Variants in HIP1 observed in about 807,000 individuals in gnomAD.
HIP1 encodes huntingtin-interacting protein 1.
A neutral mutation model predicts 147.6 loss-of-function variants in HIP1; 65 were observed. That is an observed-to-expected ratio of 0.44 (90% CI 0.36 to 0.54). The LOEUF is 0.54. Ranked by LOEUF, HIP1 falls within the 20% of genes least tolerant of loss-of-function variation. HIP1 has a pLI of 0.00. For missense variants in HIP1, 1,061 were observed against 1,299.6 expected (o/e 0.82, Z 2.82); for synonymous variants, 479 against 504.0 (o/e 0.95, Z 0.67).
intron 1 of HIP1, among the ~76,000 whole-genome samples, chr7:75,679,192 C>T (rs1799985759): frequency 6.6e-6 from 1 of 152,168 alleles, no homozygotes; most frequent in Non-Finnish European, 1.5e-5. Flanking sequence ...GCTAGATCAA[C>T]AATACATCTT....
At chr7:75,692,982 T>C (rs1554518333) in intron 1 of HIP1, among the ~76,000 whole-genome samples, 2 of 151,798 alleles carry the variant, frequency 1.3e-5, no homozygotes, top group Non-Finnish European at 1.5e-5. Context: ...CTGGCCAACA[T>C]GGCGAAGCTT....
At chr7:75,651,197 C>T (rs1798969587) in intron 1 of HIP1, among the ~76,000 whole-genome samples, 2 of 151,932 alleles carry the variant, frequency 1.3e-5, no homozygotes, top group South Asian at 4.1e-4. Context: ...CAGTGGCTCA[C>T]ACCTGTAATC....
intron 1 of HIP1, among the ~76,000 whole-genome samples, chr7:75,692,375 C>T (rs1554518242): frequency 6.6e-6 from 1 of 151,650 alleles, no homozygotes; most frequent in African/African-American, 2.4e-5. Flanking sequence ...CCTCCTGCCT[C>T]AAGTCTCCCA....
At chr7:75,575,847 C>G (rs1396859377) in intron 7 of HIP1, among the ~76,000 whole-genome samples, 1 of 152,060 alleles carries the variant, frequency 6.6e-6, no homozygotes, top group Non-Finnish European at 1.5e-5. Flanking sequence ...CAGAGGGAAG[C>G]CTAGCACTGC....
chr7:75,645,665 A>C (rs1798777871), intron 1 of HIP1, among the ~76,000 whole-genome samples: 1 of 152,234 alleles, frequency 6.6e-6, no homozygotes, highest in South Asian at 2.1e-4. Context: ...CACTATTCAC[A>C]ATAGTAAAGA....
intron 1 of HIP1, among the ~76,000 whole-genome samples, chr7:75,696,608 T>G (rs1248289846): frequency 8.2e-6 from 1 of 122,562 alleles, no homozygotes; most frequent in African/African-American, 3.0e-5. Context: ...TCTGCTCCCC[T>G]TCCCTTTTCT....
intron 1 of HIP1, among the ~76,000 whole-genome samples, chr7:75,659,477 C>A (rs1014116281): frequency 1.3e-5 from 2 of 151,872 alleles, no homozygotes; most frequent in South Asian, 2.1e-4. Flanking sequence ...GGCAAAACCC[C>A]GTCTCTACAA....
In HIP1 at chr7:75,562,915, C is replaced by G. The variant is rs1414002636; in HGVS notation, c.1020+20G>C. On this transcript the variant is annotated intron_variant, in intron 11 of 30. Transcript: ENST00000336926. ...GCAGGTGAGAGGAAAGGCCAAGTTT[C>G]TCTCCCAAGTGGTCCTCACCTGCTG... is the stretch of plus-strand genomic sequence containing the variant. 6.2e-7 allele frequency: 1 copy of G among 1,613,490 alleles called. No individual in the cohort carries two copies. The highest frequency in any genetic ancestry group is 1.3e-5 in the African/African-American group (1 of 74,930).
intron 24 of HIP1, among the ~76,000 whole-genome samples, chr7:75,547,514 C>T (rs1554491254): frequency 6.6e-6 from 1 of 152,164 alleles, no homozygotes; most frequent in Non-Finnish European, 1.5e-5. Context: ...GTGATCCTCC[C>T]TCCTCAGCCT....
At chr7:75,595,243 T>TTCCTTCCTTC (rs1796670489) in intron 2 of HIP1, among the ~76,000 whole-genome samples, 31 of 104,844 alleles carry the variant, frequency 3.0e-4, no homozygotes, top group South Asian at 9.8e-4. Context: ...TTTCTTTCTT[T>TTCCTTCCTTC]CTTTCTTTCT....
At chr7:75,729,305 C>CAAAAAAA (rs35202804) in intron 1 of HIP1, among the ~76,000 whole-genome samples, 4 of 49,188 alleles carry the variant, frequency 8.1e-5, no homozygotes, top group Admixed American at 3.1e-4. Flanking sequence ...CTTGTCTCTG[C>CAAAAAAA]AAAAAAAAAA....
At chr7:75,610,114 G>C (rs1554504580) in intron 1 of HIP1, among the ~76,000 whole-genome samples, 1 of 151,726 alleles carries the variant, frequency 6.6e-6, no homozygotes, top group Non-Finnish European at 1.5e-5. Context: ...TGTTGGCCAG[G>C]CTGGTCTTGA....
chr7:75,637,536 A>ATTTTTTTTTTT lies in HIP1; in HGVS notation c.121-38300_121-38290dup, dbSNP rs869251770. Among the ~76,000 whole-genome samples the ATTTTTTTTTTT allele has an allele frequency of 1.1e-4, 8 of 70,892 alleles. 1 individual carries two copies. The highest frequency in any genetic ancestry group is 1.6e-4 in the Non-Finnish European group (6 of 38,574). The allele number at this position is 70,892 out of a possible 152,430, so 46.5% of individuals were successfully genotyped here. On this transcript the variant is annotated intron_variant, in intron 1 of 30. Transcript: ENST00000336926. ...CTCCACCCCCATAGCTGCAGAGAGG[A>ATTTTTTTTTTT]TTTTTTTTTTTTTTTTTTTTTTTTT...
In HIP1 at chr7:75,576,431, C is replaced by T. The variant is rs587663370; in HGVS notation, c.605-2530G>A. ...GGTGTCAAAAGTCTTCCCCTGCTGT[C>T]CCCCGTTAGGCCAGGTGCTGTGGCT... On this transcript the variant is annotated intron_variant, in intron 7 of 30. Coordinates refer to ENST00000336926, the MANE Select transcript of HIP1 (RefSeq NM_005338.7). Among the ~76,000 whole-genome samples, 11 of 152,288 alleles carry T rather than the reference C, an allele frequency of 7.2e-5. No homozygotes were observed. In the South Asian group the frequency reaches 2.3e-3, roughly 32 times the overall value.
intron 1 of HIP1, among the ~76,000 whole-genome samples, chr7:75,629,965 C>G (rs117259225): frequency 2.6e-5 from 4 of 152,188 alleles, no homozygotes; most frequent in Admixed American, 6.5e-5. Context: ...TCAAAACCAG[C>G]CAGGGAAACA....
At position 75,534,826 on chromosome 7, in the gene HIP1, C is replaced by T. The variant is rs1379700651; in HGVS notation, c.*3346G>A. On this transcript the variant is annotated 3_prime_UTR_variant, in exon 31 of 31. Coordinates refer to ENST00000336926, the MANE Select transcript of HIP1 (RefSeq NM_005338.7). ...AACAGATGCAGCTGTTTTTTAACTTCTTGTCGATCCTAAGCCATGATTTTG... is the reference window on the plus strand; with the variant it reads ...AACAGATGCAGCTGTTTTTTAACTTTTTGTCGATCCTAAGCCATGATTTTG... 2 of 202,052 alleles carry T rather than the reference C, an allele frequency of 9.9e-6. No homozygotes were observed. Among genetic ancestry groups the T allele is most frequent in the Non-Finnish European group, 2.0e-5 (2 of 98,202 alleles). The allele number at this position is 202,052 out of a possible 1,614,324, so 12.5% of individuals were successfully genotyped here.
intron 1 of HIP1, among the ~76,000 whole-genome samples, chr7:75,628,183 A>G (rs369861616): frequency 3.9e-5 from 6 of 152,200 alleles, no homozygotes; most frequent in African/African-American, 1.4e-4. Context: ...TCATCCCCTC[A>G]GTCCCTGCAG....
intron 19 of HIP1, 85 bp from the exon 20 acceptor site, chr7:75,554,611 TTACCTAGTGGG>T: frequency 1.1e-6 from 1 of 946,152 alleles, no homozygotes; most frequent in Admixed American, 1.8e-5. Context: ...ATGGAGGAGC[TTACCTAGTGGG>T]TAAGCTTCCT....
chr7:75,554,227 G>C lies in HIP1; in HGVS notation c.2051-7C>G, dbSNP rs1794905341. ...TGGAGAAGTCCACTGATGTCTGCCAGGATTGGAAAGAGAAGTTTCTCAGGT... is the reference window on the plus strand; with the variant it reads ...TGGAGAAGTCCACTGATGTCTGCCACGATTGGAAAGAGAAGTTTCTCAGGT... On this transcript the variant is annotated splice_polypyrimidine_tract_variant and splice_region_variant and intron_variant, in intron 20 of 30. Transcript: ENST00000336926. The C allele has an allele frequency of 1.2e-6, 2 of 1,609,978 alleles. No individual in the cohort carries two copies. Among genetic ancestry groups the C allele is most frequent in the Non-Finnish European group, 1.7e-6 (2 of 1,176,722 alleles).
Sources: gnomAD v4.1 joint callset for allele counts (sites outside exome capture counted in the v4.1 genomes callset) on GRCh38, gnomAD v4.1.1 for gene constraint, MANE v1.5 for transcripts, NCBI Gene and HGNC (gene_info 2026-07-23, HGNC 2026-07-21) for gene names.